The following DOCK7 variants were observed in gnomAD, a reference collection of about 807,000 sequenced individuals.
The protein encoded by DOCK7 is dedicator of cytokinesis 7.
DOCK7 carries 138 observed loss-of-function variants against 271.0 expected under a neutral mutation model. That is an observed-to-expected ratio of 0.51 (90% CI 0.44 to 0.59). The LOEUF (loss-of-function observed/expected upper bound fraction) is 0.59, where lower values mean the gene tolerates loss of function less well. Among genes scored for constraint, DOCK7 ranks in the 20% least tolerant of loss-of-function variants. The pLI is 0.00. For missense variants in DOCK7, 2,066 were observed against 2,592.4 expected (o/e 0.80, Z 4.41); for synonymous variants, 823 against 876.1 (o/e 0.94, Z 1.07).
chr1:62,491,655 G>A (rs1482088794), intron 41 of DOCK7, among the ~76,000 whole-genome samples: 1 of 152,324 alleles, frequency 6.6e-6, no homozygotes, highest in African/African-American at 2.4e-5. Context: ...CCAATGGAAT[G>A]AGTGGTCATA....
intron 1 of DOCK7, among the ~76,000 whole-genome samples, chr1:62,674,109 G>A (rs1660296938): frequency 6.6e-6 from 1 of 152,122 alleles, no homozygotes; most frequent in South Asian, 2.1e-4. Flanking sequence ...CAGCAAGGTT[G>A]AAGGATACAA....
intron 18 of DOCK7, among the ~76,000 whole-genome samples, chr1:62,564,719 GAT>G (rs1340018330): frequency 6.6e-6 from 1 of 152,018 alleles, no homozygotes; most frequent in Non-Finnish European, 1.5e-5. Context: ...AACTGAAGGA[GAT>G]AGAGTCATGA....
intron 31 of DOCK7, among the ~76,000 whole-genome samples, chr1:62,524,790 C>T (rs973079546): frequency 2.0e-5 from 3 of 150,622 alleles, no homozygotes; most frequent in East Asian, 2.0e-4. Flanking sequence ...CCCAGCTACT[C>T]GGGAGACTGA....
intron 4 of DOCK7, among the ~76,000 whole-genome samples, chr1:62,651,514 A>G (rs1250206215): frequency 3.8e-5 from 5 of 133,246 alleles, no homozygotes; most frequent in South Asian, 2.5e-4. Context: ...GTAAGGGGGG[A>G]GCCCGAAAAA....
At chr1:62,512,245 C>T (rs1644509435) in intron 33 of DOCK7, among the ~76,000 whole-genome samples, 1 of 152,136 alleles carries the variant, frequency 6.6e-6, no homozygotes, top group Non-Finnish European at 1.5e-5. Flanking sequence ...AAATATTGTG[C>T]TGTTGGCATG....
chr1:62,607,443 G>A (rs1471040482), intron 14 of DOCK7, among the ~76,000 whole-genome samples: 2 of 152,098 alleles, frequency 1.3e-5, no homozygotes, highest in Non-Finnish European at 2.9e-5. Context: ...CTCTTGAAAC[G>A]TCTCTTAATC....
intron 44 of DOCK7, among the ~76,000 whole-genome samples, chr1:62,476,695 C>T (rs1395288271): frequency 6.6e-6 from 1 of 152,118 alleles, no homozygotes; most frequent in Non-Finnish European, 1.5e-5. Flanking sequence ...ATAGTGACTA[C>T]TCCATATGAC....
intron 28 of DOCK7, 27 bp from the exon 29 acceptor site, chr1:62,535,659 C>A: frequency 6.2e-7 from 1 of 1,606,076 alleles, no homozygotes; most frequent in Non-Finnish European, 8.5e-7. Flanking sequence ...CAGAACAAGA[C>A]TATAACAGCA....
chr1:62,471,091 T>C (rs1645818207), intron 48 of DOCK7, among the ~76,000 whole-genome samples: 1 of 152,212 alleles, frequency 6.6e-6, no homozygotes, highest in Admixed American at 6.5e-5. Flanking sequence ...CTCTTCCTTA[T>C]GATTTTCTTA....
At chr1:62,590,316 G>A (rs763683678) in intron 14 of DOCK7, among the ~76,000 whole-genome samples, 3 of 152,170 alleles carry the variant, frequency 2.0e-5, no homozygotes, top group Non-Finnish European at 4.4e-5. Context: ...TTTAAAATAA[G>A]AAAGGTTTGA....
intron 2 of DOCK7, among the ~76,000 whole-genome samples, chr1:62,657,914 C>G (rs1439949072): frequency 6.6e-6 from 1 of 151,898 alleles, no homozygotes; most frequent in Non-Finnish European, 1.5e-5. Flanking sequence ...TAAAAAACAT[C>G]TTCAGGGACA....
intron 11 of DOCK7, among the ~76,000 whole-genome samples, 167 bp downstream of exon 11, chr1:62,631,073 T>A (rs1382928110): frequency 6.6e-6 from 1 of 151,926 alleles, no homozygotes; most frequent in Non-Finnish European, 1.5e-5. Flanking sequence ...TAATCTCAGC[T>A]ACTCAGGAGG....
In DOCK7 at chr1:62,636,580, A is replaced by T. The variant is rs202034067; in HGVS notation, c.842T>A (p.Ile281Asn). 22 of 1,603,258 alleles carry T rather than the reference A, an allele frequency of 1.4e-5. No individual in the cohort carries two copies. The Admixed American group carries it at 3.4e-4, about 25-fold the overall frequency. The change falls in exon 8 of 50, where the codon ATT becomes AAT. Residue 281 changes from isoleucine to asparagine, a missense_variant. Ile to Asn is a moderately radical substitution (Grantham distance 149). Transcript: ENST00000635253. ...ATCATATAAAGCCAAACTTGCAAAA[A>T]TGGGTTCAATTTCAATTTCAAACCT... ...SLKFEIEIEP[I>N]FASLALYDVK...
chr1:62,618,578 G>T, intron 14 of DOCK7, 128 bp downstream of exon 14: 1 of 750,928 alleles, frequency 1.3e-6, no homozygotes, highest in Non-Finnish European at 2.2e-6. Flanking sequence ...TAATAAAATT[G>T]TGCGGTAAGA....
At chr1:62,460,704 T>C (rs1340161476) in intron 48 of DOCK7, among the ~76,000 whole-genome samples, 2 of 152,204 alleles carry the variant, frequency 1.3e-5, no homozygotes, top group East Asian at 3.9e-4. Context: ...TTGCCCAGGC[T>C]GAAGTGCAGT....
At chr1:62,604,349 T>C (rs971380849) in intron 14 of DOCK7, 23 of 1,328,326 alleles carry the variant, frequency 1.7e-5, no homozygotes, top group Non-Finnish European at 2.4e-5. Flanking sequence ...AATAAGCGTT[T>C]TCTCTCTAGA....
At chr1:62,461,173 G>A (rs2149229600) in intron 48 of DOCK7, among the ~76,000 whole-genome samples, 1 of 152,208 alleles carries the variant, frequency 6.6e-6, no homozygotes, top group East Asian at 1.9e-4. Flanking sequence ...ACTTAGTGGT[G>A]AAAACCCTTT....
intron 2 of DOCK7, among the ~76,000 whole-genome samples, chr1:62,660,777 T>C (rs987231275): frequency 1.3e-5 from 2 of 152,288 alleles, no homozygotes; most frequent in East Asian, 3.9e-4. Context: ...ATGTGGCATA[T>C]ACATATAATG....
At chr1:62,602,332 T>G in intron 14 of DOCK7, 1 of 1,610,940 alleles carries the variant, frequency 6.2e-7, no homozygotes, top group South Asian at 1.1e-5. Context: ...ATCACAAAAC[T>G]TCAATGAAAC....
Sources: gnomAD v4.1 joint callset for allele counts (sites outside exome capture counted in the v4.1 genomes callset) on GRCh38, gnomAD v4.1.1 for gene constraint, MANE v1.5 for transcripts, NCBI Gene and HGNC (gene_info 2026-07-23, HGNC 2026-07-21) for gene names.